CSMD1: variants seen among roughly 807,000 people sequenced by gnomAD.
The protein encoded by CSMD1 is CUB and sushi domain-containing protein 1.
CSMD1 carries 213 observed loss-of-function variants against 417.5 expected under a neutral mutation model. The observed-to-expected ratio is 0.51, with a 90% confidence interval of 0.46 to 0.57. The LOEUF (loss-of-function observed/expected upper bound fraction) is 0.57. Among genes scored for constraint, CSMD1 ranks in the 20% least tolerant of loss-of-function variants. The pLI is 0.00. For missense variants in CSMD1, 6,923 were observed against 4,529.7 expected (o/e 1.53, Z -15.17); for synonymous variants, 2,862 against 1,736.8 (o/e 1.65, Z -16.11).
intron 35 of CSMD1, 105 bp downstream of exon 35, chr8:3,188,780 AGG>A: frequency 1.0e-6 from 1 of 957,596 alleles, no homozygotes; most frequent in Non-Finnish European, 1.4e-6. Flanking sequence ...AAAAAGAGAG[AGG>A]GAGAGAGAGA....
intron 5 of CSMD1, among the ~76,000 whole-genome samples, chr8:3,948,397 G>A (rs1483849783): frequency 6.6e-6 from 1 of 152,144 alleles, no homozygotes; most frequent in African/African-American, 2.4e-5. Flanking sequence ...ACAGGAGAGG[G>A]AGGGAGAACA....
At chr8:4,808,822 A>G (rs1455834326) in intron 1 of CSMD1, among the ~76,000 whole-genome samples, 1 of 152,250 alleles carries the variant, frequency 6.6e-6, no homozygotes, top group Non-Finnish European at 1.5e-5. Context: ...ATAAAGTGAT[A>G]GTGCTTTCAT....
chr8:4,275,481 C>T (rs1796432972), intron 3 of CSMD1, among the ~76,000 whole-genome samples: 1 of 151,222 alleles, frequency 6.6e-6, no homozygotes, highest in Admixed American at 6.6e-5. Flanking sequence ...TCACAGATCT[C>T]GTAGAGGGAG....
At chr8:4,761,526 T>C (rs1205403575) in intron 1 of CSMD1, among the ~76,000 whole-genome samples, 1 of 152,138 alleles carries the variant, frequency 6.6e-6, no homozygotes, top group African/African-American at 2.4e-5. Context: ...ATAAATTGTA[T>C]ATGTACTTGG....
At chr8:3,057,591 T>A (rs1271788810) in intron 49 of CSMD1, among the ~76,000 whole-genome samples, 1 of 152,184 alleles carries the variant, frequency 6.6e-6, no homozygotes, top group Non-Finnish European at 1.5e-5. Context: ...CATGCTTTTT[T>A]ACTTAATTTT....
chr8:3,304,213 A>C (rs1804632164), intron 25 of CSMD1, among the ~76,000 whole-genome samples: 1 of 152,150 alleles, frequency 6.6e-6, no homozygotes, highest in Non-Finnish European at 1.5e-5. Flanking sequence ...TAAAGAGCTA[A>C]ATTAATCCCT....
chr8:3,248,821 A>G (rs2117018472), intron 26 of CSMD1, among the ~76,000 whole-genome samples: 1 of 152,192 alleles, frequency 6.6e-6, no homozygotes, highest in Admixed American at 6.5e-5. Context: ...ACTTGGCTAA[A>G]TTCTACTTAC....
At chr8:4,261,270 C>G (rs747702810) in intron 3 of CSMD1, among the ~76,000 whole-genome samples, 2 of 152,120 alleles carry the variant, frequency 1.3e-5, no homozygotes, top group Non-Finnish European at 2.9e-5. Context: ...CTGTTTTCTT[C>G]TCTTTCCTTT....
chr8:4,837,521 T>A (rs907717720), intron 1 of CSMD1, among the ~76,000 whole-genome samples: 2 of 152,208 alleles, frequency 1.3e-5, no homozygotes, highest in Non-Finnish European at 1.5e-5. Context: ...TATAGCTTTT[T>A]GCAGCTTTGG....
chr8:2,998,019 G>T lies in CSMD1; in HGVS notation c.8369C>A (p.Thr2790Lys), dbSNP rs375656220. 20 of 1,613,648 alleles carry T rather than the reference G, an allele frequency of 1.2e-5. No homozygotes were observed. The highest frequency in any genetic ancestry group is 1.5e-5 in the Non-Finnish European group (18 of 1,179,710). ...SNGQWSSPLP[T>K]CRVVNCSDPG... ...CTGGATGCTGTTCCTACCTCGACAC[G>T]TGGGCAGAGGGCTACTCCACTGGCC... is the stretch of plus-strand genomic sequence containing the variant. Residue 2790 changes from threonine to lysine, a missense_variant, in exon 54 of 70, where the codon ACG becomes AAG. Physicochemically the swap from Thr to Lys is moderately conservative, Grantham distance 78. Coordinates refer to ENST00000635120, the MANE Select transcript of CSMD1 (RefSeq NM_033225.6).
At chr8:4,116,182 C>T (rs150467554) in intron 3 of CSMD1, among the ~76,000 whole-genome samples, 3,027 of 151,866 alleles carry the variant, frequency 0.02, 116 homozygotes, top group African/African-American at 0.069. Context: ...TTAGTACAGA[C>T]GGGGTTTCCC....
intron 1 of CSMD1, among the ~76,000 whole-genome samples, chr8:4,771,032 G>T (rs986341903): frequency 6.6e-6 from 1 of 152,148 alleles, no homozygotes; most frequent in African/African-American, 2.4e-5. Flanking sequence ...TACAGATTCA[G>T]AAAGCAATAT....
At chr8:4,873,515 A>G in intron 1 of CSMD1, among the ~76,000 whole-genome samples, 1 of 152,112 alleles carries the variant, frequency 6.6e-6, no homozygotes, top group African/African-American at 2.4e-5. Flanking sequence ...GAAATGCTTC[A>G]ACTTGTGTGT....
intron 5 of CSMD1, among the ~76,000 whole-genome samples, chr8:3,960,907 C>G (rs1378876783): frequency 6.6e-6 from 1 of 151,902 alleles, no homozygotes; most frequent in Non-Finnish European, 1.5e-5. Context: ...CAAAAGTCCT[C>G]TAGACTTAGA....
At chr8:4,240,628 A>T (rs1453494336) in intron 3 of CSMD1, among the ~76,000 whole-genome samples, 4 of 152,142 alleles carry the variant, frequency 2.6e-5, no homozygotes, top group African/African-American at 9.7e-5. Flanking sequence ...ATCCAATCTC[A>T]TTCCCAGTGC....
chr8:3,078,304 T>C (rs1323690566), intron 49 of CSMD1, among the ~76,000 whole-genome samples: 3 of 152,222 alleles, frequency 2.0e-5, no homozygotes, highest in Middle Eastern at 3.2e-3. Flanking sequence ...TTAGCCACAT[T>C]TCACACAGTT....
At chr8:4,920,896 GAAAA>G (rs1563768776) in intron 1 of CSMD1, among the ~76,000 whole-genome samples, 22 of 37,564 alleles carry the variant, frequency 5.9e-4, no homozygotes, top group African/African-American at 1.6e-3. Context: ...GAAAAGAAAA[GAAAA>G]GAAAAGAAAA....
chr8:4,167,453 G>C (rs150019048), intron 3 of CSMD1, among the ~76,000 whole-genome samples: 1 of 152,162 alleles, frequency 6.6e-6, no homozygotes, highest in African/African-American at 2.4e-5. Flanking sequence ...CACTGGAATA[G>C]AATGACGGTG....
rs377125039 is a variant in CSMD1, at chr8:3,739,981, T to C, written c.931+13949A>G. On this transcript the variant is annotated intron_variant, in intron 6 of 69. Transcript: ENST00000635120. ...GTTCGATTCTCCTTCATGATCCCTA[T>C]CATTAAAATTGTCTTGGTCTCTTCT... is the stretch of plus-strand genomic sequence containing the variant. Among the ~76,000 whole-genome samples, 10 of 152,338 alleles carry C rather than the reference T, an allele frequency of 6.6e-5. No individual in the cohort carries two copies. The East Asian group carries it at 1.2e-3, about 18-fold the overall frequency.
Sources: gnomAD v4.1 joint callset for allele counts (sites outside exome capture counted in the v4.1 genomes callset) on GRCh38, gnomAD v4.1.1 for gene constraint, MANE v1.5 for transcripts, NCBI Gene and HGNC (gene_info 2026-07-23, HGNC 2026-07-21) for gene names.